The following SMAP1 variants were observed in gnomAD, a reference collection of about 807,000 sequenced individuals.
SMAP1 encodes stromal membrane-associated protein 1.
In SMAP1, 24 loss-of-function variants were observed where a neutral mutation model predicts 58.5. The ratio of observed to expected loss-of-function variants is 0.41; its 90% confidence interval spans 0.30 to 0.58. The LOEUF (loss-of-function observed/expected upper bound fraction) is 0.58, where lower values mean the gene tolerates loss of function less well. Among genes scored for constraint, SMAP1 ranks in the 20% least tolerant of loss-of-function variants. The pLI, the probability that SMAP1 is intolerant of heterozygous loss-of-function variation, is 0.29. For missense variants in SMAP1, 563 were observed against 566.3 expected, an observed-to-expected ratio of 0.99 and a Z score of 0.06; for synonymous variants, 216 against 196.6, an observed-to-expected ratio of 1.10 and a Z score of -0.82.
rs887786133 is a variant in SMAP1, at chr6:70,715,882, C to T, written c.119-16496C>T. Among the ~76,000 whole-genome samples, 13 of 136,200 alleles carry T rather than the reference C, an allele frequency of 9.5e-5. No homozygotes were observed. The East Asian group carries it at 1.2e-3, about 13-fold the overall frequency. The allele number at this position is 136,200 out of a possible 152,430, so 89.4% of individuals were successfully genotyped here. Reference sequence around the variant, plus strand: ...AATTTGTAGTATTTTATCCCTCACCCGCTTTCCACCCTTTTCCCCCAGTCC... The same window carrying T: ...AATTTGTAGTATTTTATCCCTCACCTGCTTTCCACCCTTTTCCCCCAGTCC... On this transcript the variant is annotated intron_variant, in intron 1 of 10. Coordinates refer to ENST00000370455, the MANE Select transcript of SMAP1 (RefSeq NM_001044305.3).
intron 4 of SMAP1, among the ~76,000 whole-genome samples, chr6:70,783,952 C>T (rs374311718): frequency 8.0e-4 from 120 of 149,342 alleles, no homozygotes; most frequent in African/African-American, 1.9e-3. Context: ...ATACAGAGAA[C>T]GCCACAAAGA....
At chr6:70,712,558 A>G (rs1181005282) in intron 1 of SMAP1, among the ~76,000 whole-genome samples, 1 of 152,158 alleles carries the variant, frequency 6.6e-6, no homozygotes, top group Admixed American at 6.5e-5. Flanking sequence ...CTGTGAAGCC[A>G]TCTGGTCCTG....
chr6:70,761,700 A>G (rs909174949), intron 3 of SMAP1, among the ~76,000 whole-genome samples: 1 of 152,094 alleles, frequency 6.6e-6, no homozygotes. Flanking sequence ...AACTTAAATA[A>G]CACTATGTAC....
intron 1 of SMAP1, among the ~76,000 whole-genome samples, chr6:70,674,210 T>C (rs1766386530): frequency 6.6e-6 from 1 of 151,966 alleles, no homozygotes; most frequent in Admixed American, 6.6e-5. Flanking sequence ...CCTCCTTGGT[T>C]CAAGCAATCC....
At chr6:70,678,663 A>T (rs1209246944) in intron 1 of SMAP1, among the ~76,000 whole-genome samples, 1 of 152,234 alleles carries the variant, frequency 6.6e-6, no homozygotes, top group South Asian at 2.1e-4. Flanking sequence ...GCTAAAGGCA[A>T]GGTGTTAGCA....
Position 70,667,975 on chromosome 6 carries a change from G to C in SMAP1, c.-49G>C. On this transcript the variant is annotated 5_prime_UTR_variant, in exon 1 of 11. Transcript: ENST00000370455. ...CGTTCACTCTGCCCGGCTCCAGCCA[G>C]CGTCCGCCGCCGCCGTAGCTGCCCC... The C allele has an allele frequency of 1.3e-6, 2 of 1,503,492 alleles. No individual in the cohort carries two copies. Among genetic ancestry groups the C allele is most frequent in the African/African-American group, 1.4e-5 (1 of 69,672 alleles). The allele number at this position is 1,503,492 out of a possible 1,614,324, so 93.1% of individuals were successfully genotyped here. A position where few individuals can be genotyped will look rare whatever the true frequency, so the allele number is the denominator to read the frequency against.
chr6:70,671,160 C>T (rs986723280), intron 1 of SMAP1, among the ~76,000 whole-genome samples: 1 of 149,690 alleles, frequency 6.7e-6, no homozygotes, highest in Non-Finnish European at 1.5e-5. Context: ...GTGTTATCTA[C>T]AGGTAATTCT....
chr6:70,807,471 A>G (rs1158025447), intron 6 of SMAP1, among the ~76,000 whole-genome samples: 2 of 152,208 alleles, frequency 1.3e-5, no homozygotes, highest in Non-Finnish European at 2.9e-5. Flanking sequence ...TTCACTGGAC[A>G]TTTCTATTTA....
At chr6:70,718,527 A>ATGCG (rs1193956946) in intron 1 of SMAP1, among the ~76,000 whole-genome samples, 1 of 152,118 alleles carries the variant, frequency 6.6e-6, no homozygotes, top group Non-Finnish European at 1.5e-5. Flanking sequence ...GGTTATAAGA[A>ATGCG]TGCGATGCTT....
At chr6:70,754,660 A>C (rs917224461) in intron 2 of SMAP1, among the ~76,000 whole-genome samples, 4 of 152,084 alleles carry the variant, frequency 2.6e-5, no homozygotes, top group Non-Finnish European at 4.4e-5. Flanking sequence ...AAAAAATGGC[A>C]GTACTGCCTA....
chr6:70,826,305 C>A (rs1770114524), intron 6 of SMAP1, among the ~76,000 whole-genome samples: 1 of 152,076 alleles, frequency 6.6e-6, no homozygotes, highest in African/African-American at 2.4e-5. Flanking sequence ...GAGATGGGCT[C>A]ACGTCTTGAT....
At position 70,859,265 on chromosome 6, in the gene SMAP1, C is replaced by T. The variant is rs544037675; in HGVS notation, c.1270-935C>T. Reference sequence around the variant, plus strand: ...GTCACATGGTCAACATGCTGAAGCACACCCAGCTCAGGTTAAGGTGCTAGA... The same window carrying T: ...GTCACATGGTCAACATGCTGAAGCATACCCAGCTCAGGTTAAGGTGCTAGA... On this transcript the variant is annotated intron_variant, in intron 10 of 10. Transcript: ENST00000370455. The T allele has an allele frequency of 1.8e-4, 214 of 1,192,354 alleles. No individual in the cohort carries two copies. In the African/African-American group the frequency reaches 2.9e-3, roughly 16 times the overall value. 73.9% of individuals were successfully genotyped at this position (1,192,354 alleles called of 1,614,324 possible).
At chr6:70,817,381 C>T (rs1478349231) in intron 6 of SMAP1, among the ~76,000 whole-genome samples, 2 of 151,958 alleles carry the variant, frequency 1.3e-5, no homozygotes, top group Admixed American at 1.3e-4. Flanking sequence ...TTCTTTGATT[C>T]TTCTGATCTT....
chr6:70,770,520 C>G lies in SMAP1; in HGVS notation c.339-2830C>G, dbSNP rs1322752814. On this transcript the variant is annotated intron_variant, in intron 3 of 10. Coordinates refer to ENST00000370455, the MANE Select transcript of SMAP1 (RefSeq NM_001044305.3). ...CATTTCGTCTTCCATCACTGACACC[C>G]TTTCTTCCAGTTGATTGCATCGGCT... Among the ~76,000 whole-genome samples, 6 of 152,206 alleles carry G rather than the reference C, an allele frequency of 3.9e-5. No homozygotes were observed. In the East Asian group the frequency reaches 5.8e-4, roughly 15 times the overall value.
At chr6:70,732,550 A>G in intron 2 of SMAP1, 39 bp downstream of exon 2, 1 of 1,442,190 alleles carries the variant, frequency 6.9e-7, no homozygotes, top group Non-Finnish European at 9.2e-7. Flanking sequence ...TAAAATATTT[A>G]AAATGATTTA....
At position 70,725,115 on chromosome 6, in the gene SMAP1, T is replaced by G. The variant is rs1191589191; in HGVS notation, c.119-7263T>G. 4.5e-5 allele frequency among the ~76,000 whole-genome samples: 5 copies of G among 111,574 alleles called. No individual in the cohort carries two copies. The East Asian group carries it at 7.4e-4, about 17-fold the overall frequency. The allele number at this position is 111,574 out of a possible 152,430, so 73.2% of individuals were successfully genotyped here. ...AGTGTTTTTTTTTTTTTTTTTTTTT[T>G]TTTTTTTTTTTTTTTTTTTGAGACG... On this transcript the variant is annotated intron_variant, in intron 1 of 10. Coordinates refer to ENST00000370455, the MANE Select transcript of SMAP1 (RefSeq NM_001044305.3).
At chr6:70,744,998 T>G (rs1765968344) in intron 2 of SMAP1, among the ~76,000 whole-genome samples, 1 of 152,246 alleles carries the variant, frequency 6.6e-6, no homozygotes, top group Admixed American at 6.5e-5. Context: ...TTCATATCCT[T>G]TGTCCACTTT....
At chr6:70,853,520 C>A (rs1361600328) in intron 8 of SMAP1, among the ~76,000 whole-genome samples, 2 of 152,068 alleles carry the variant, frequency 1.3e-5, no homozygotes, top group Non-Finnish European at 2.9e-5. Context: ...AAGAAAAAGT[C>A]AATGTCTTAT....
intron 6 of SMAP1, among the ~76,000 whole-genome samples, chr6:70,823,002 C>T (rs1162316890): frequency 6.6e-6 from 1 of 151,924 alleles, no homozygotes; most frequent in Non-Finnish European, 1.5e-5. Flanking sequence ...GAATTTTCAT[C>T]TCTCTTTATA....
Sources: gnomAD v4.1 joint callset for allele counts (sites outside exome capture counted in the v4.1 genomes callset) on GRCh38, gnomAD v4.1.1 for gene constraint, MANE v1.5 for transcripts, NCBI Gene and HGNC (gene_info 2026-07-23, HGNC 2026-07-21) for gene names.